The following FOCAD variants were observed in gnomAD, a reference collection of about 807,000 sequenced individuals.
The protein encoded by FOCAD is focadhesin, also known as KIAA1797.
A neutral mutation model predicts 225.6 loss-of-function variants in FOCAD; 198 were observed. That is an observed-to-expected ratio of 0.88 (90% CI 0.78 to 0.99). FOCAD has a LOEUF of 0.99. FOCAD is among the 50% of genes least tolerant of loss of function. The pLI is 0.00. For missense variants in FOCAD, 2,713 were observed against 2,123.6 expected, an observed-to-expected ratio of 1.28 and a Z score of -5.46; for synonymous variants, 897 against 755.0, an observed-to-expected ratio of 1.19 and a Z score of -3.08.
chr9:20,662,044 GTA>G (rs1821743420), intron 2 of FOCAD, among the ~76,000 whole-genome samples: 1 of 152,234 alleles, frequency 6.6e-6, no homozygotes, highest in African/African-American at 2.4e-5. Flanking sequence ...TTATGAATAT[GTA>G]TGATATTTGC....
chr9:20,803,105 A>G (rs1822022275), intron 11 of FOCAD, among the ~76,000 whole-genome samples: 1 of 152,102 alleles, frequency 6.6e-6, no homozygotes. Context: ...TTTTAATGTT[A>G]GAGGTGCAGC....
At position 20,995,626 on chromosome 9, in the gene FOCAD, G is replaced by T. The variant is rs765713438; in HGVS notation, c.5403G>T (p.Trp1801Cys). The T allele has an allele frequency of 1.2e-6, 2 of 1,612,246 alleles. No individual in the cohort carries two copies. Among genetic ancestry groups the T allele is most frequent in the Non-Finnish European group, 1.7e-6 (2 of 1,178,484 alleles). The change falls in exon 44 of 44, where the codon TGG becomes TGT. Residue 1801 changes from tryptophan (W) to cysteine (C), a missense_variant. By Grantham distance (215) the Trp-to-Cys change is radical (BLOSUM62 -2). Transcript: ENST00000338382. ...CTGTATGGACCAGAGCATATGGTTG[G>T]TGAACAGTTTTGCAGTAACCAGCAG... ...KKAVWTRAYG[W>C]
At chr9:20,891,414 C>A (rs1175203490) in intron 21 of FOCAD, among the ~76,000 whole-genome samples, 1 of 152,154 alleles carries the variant, frequency 6.6e-6, no homozygotes, top group Non-Finnish European at 1.5e-5. Flanking sequence ...CTTCTTGCAC[C>A]AAACAGCCAA....
In FOCAD at chr9:20,993,323, T is replaced by G; in HGVS notation, c.5327T>G (p.Leu1776Trp). The G allele has an allele frequency of 6.2e-7, 1 of 1,612,824 alleles. No homozygotes were observed. The highest frequency in any genetic ancestry group is 8.5e-7 in the Non-Finnish European group (1 of 1,178,926). Residue 1776 changes from leucine to tryptophan, a missense_variant, in exon 43 of 44, where the codon TTG (leucine) becomes TGG (tryptophan). Leu to Trp is a moderately conservative substitution (Grantham distance 61). Coordinates refer to ENST00000338382, the MANE Select transcript of FOCAD (RefSeq NM_001375567.1). Reference sequence around the variant, plus strand: ...CTCTCAGCACAGTCCAGGGATCTTTTGAAAGGTATTACTTCCATGTTTTAT... The same window carrying G: ...CTCTCAGCACAGTCCAGGGATCTTTGGAAAGGTATTACTTCCATGTTTTAT... ...EALSAQSRDLLKATLLSLRVL... is the reference protein window; with the variant it reads ...EALSAQSRDLWKATLLSLRVL...
chr9:20,666,240 A>G (rs1821896885), intron 2 of FOCAD, among the ~76,000 whole-genome samples: 1 of 152,172 alleles, frequency 6.6e-6, no homozygotes, highest in South Asian at 2.1e-4. Flanking sequence ...TAAAGTGATT[A>G]TTTGGTGAAG....
chr9:20,923,596 A>AG, intron 24 of FOCAD, 64 bp from the exon 25 acceptor site: 1 of 1,261,346 alleles, frequency 7.9e-7, no homozygotes, highest in Non-Finnish European at 1.1e-6. Flanking sequence ...CTCCTATATT[A>AG]GCTCTTTCTC....
At chr9:20,914,297 G>GAATAA (rs1483582851) in intron 23 of FOCAD, among the ~76,000 whole-genome samples, 1 of 152,146 alleles carries the variant, frequency 6.6e-6, no homozygotes, top group Non-Finnish European at 1.5e-5. Flanking sequence ...GAACAGCAGT[G>GAATAA]AATAAAGCCC....
Position 20,866,917 on chromosome 9 carries a change from T to TTTTTTTTTTA in FOCAD, c.2107-12_2107-11insTTTTTTTTTA. On this transcript the variant is annotated splice_polypyrimidine_tract_variant and intron_variant, in intron 17 of 43. Transcript: ENST00000338382. Reference sequence around the variant, plus strand: ...TTTTTTTTTTTTTTTTTTTTTTTTTTACCCTATCTAGGACCCAATTGTAGC... The same window carrying TTTTTTTTTTA: ...TTTTTTTTTTTTTTTTTTTTTTTTTTTTTTTTTTTAACCCTATCTAGGACCCAATTGTAGC... 2.6e-6 allele frequency: 2 copies of TTTTTTTTTTA among 764,970 alleles called. No homozygotes were observed. The highest frequency in any genetic ancestry group is 3.3e-5 in the East Asian group (1 of 30,216). The allele number at this position is 764,970 out of a possible 1,614,324, so 47.4% of individuals were successfully genotyped here.
intron 2 of FOCAD, among the ~76,000 whole-genome samples, chr9:20,663,217 T>C (rs1347651867): frequency 6.6e-6 from 1 of 151,800 alleles, no homozygotes; most frequent in Non-Finnish European, 1.5e-5. Flanking sequence ...TGAGACTGCC[T>C]CTACAAAAAA....
intron 27 of FOCAD, among the ~76,000 whole-genome samples, chr9:20,931,518 A>G (rs1835469710): frequency 6.6e-6 from 1 of 152,192 alleles, no homozygotes; most frequent in Non-Finnish European, 1.5e-5. Context: ...TCTTTGGAGA[A>G]AGTTTAAATT....
chr9:20,889,844 GT>G, intron 21 of FOCAD, among the ~76,000 whole-genome samples: 1 of 152,212 alleles, frequency 6.6e-6, no homozygotes, highest in Admixed American at 6.5e-5. Flanking sequence ...TGACATCTTG[GT>G]AATAGAGTAT....
At chr9:20,866,212 G>A (rs949331617) in intron 17 of FOCAD, among the ~76,000 whole-genome samples, 3 of 151,936 alleles carry the variant, frequency 2.0e-5, no homozygotes, top group African/African-American at 7.2e-5. Flanking sequence ...TGACAGATGG[G>A]AAGAGGAACT....
chr9:20,765,162 A>T (rs1474814918), intron 7 of FOCAD, 89 bp downstream of exon 7: 12 of 1,201,492 alleles, frequency 1.0e-5, no homozygotes, highest in Non-Finnish European at 1.3e-5. Flanking sequence ...AACATAAGTG[A>T]TTTGGCAAAC....
intron 26 of FOCAD, among the ~76,000 whole-genome samples, chr9:20,928,783 C>T (rs1224093863): frequency 2.0e-5 from 3 of 152,106 alleles, no homozygotes; most frequent in Non-Finnish European, 4.4e-5. Context: ...GAATTAACCC[C>T]CTGTAGGAAA....
intron 35 of FOCAD, among the ~76,000 whole-genome samples, chr9:20,960,573 C>A (rs1343991493): frequency 2.0e-5 from 3 of 151,984 alleles, no homozygotes; most frequent in South Asian, 2.1e-4. Flanking sequence ...TTTTAAAAAT[C>A]CATGAATCCA....
chr9:20,955,880 A>G (rs905580412), intron 35 of FOCAD, among the ~76,000 whole-genome samples: 2 of 152,180 alleles, frequency 1.3e-5, no homozygotes, highest in Non-Finnish European at 2.9e-5. Context: ...GTACTTAATA[A>G]AAGTGATTCT....
intron 10 of FOCAD, among the ~76,000 whole-genome samples, 163 bp downstream of exon 10, chr9:20,782,092 A>G (rs1048082680): frequency 6.6e-6 from 1 of 151,650 alleles, no homozygotes; most frequent in African/African-American, 2.4e-5. Flanking sequence ...GGACTATAAG[A>G]AGGGATAGTA....
intron 15 of FOCAD, among the ~76,000 whole-genome samples, chr9:20,831,299 G>A (rs1436182117): frequency 6.6e-6 from 1 of 152,128 alleles, no homozygotes; most frequent in Admixed American, 6.6e-5. Flanking sequence ...GTGGTGAGGA[G>A]AGCAAGGGAA....
At chr9:20,905,992 A>C (rs897597998) in intron 21 of FOCAD, among the ~76,000 whole-genome samples, 8 of 151,010 alleles carry the variant, frequency 5.3e-5, no homozygotes, top group Non-Finnish European at 1.0e-4. Flanking sequence ...AGTAAGAATT[A>C]ATCTCTTTGT....
Sources: gnomAD v4.1 joint callset for allele counts (sites outside exome capture counted in the v4.1 genomes callset) on GRCh38, gnomAD v4.1.1 for gene constraint, MANE v1.5 for transcripts, NCBI Gene and HGNC (gene_info 2026-07-23, HGNC 2026-07-21) for gene names.